UROS: variants seen among roughly 807,000 people sequenced by gnomAD.
UROS encodes uroporphyrinogen-III synthase.
In UROS, 18 loss-of-function variants were observed where a neutral mutation model predicts 33.0. The ratio of observed to expected loss-of-function variants is 0.55; its 90% confidence interval spans 0.38 to 0.81. The LOEUF is 0.81. UROS is among the 30% of genes least tolerant of loss of function. The pLI is 0.00. For missense variants in UROS, 293 were observed against 314.9 expected, an observed-to-expected ratio of 0.93 and a Z score of 0.53; for synonymous variants, 114 against 121.1, an observed-to-expected ratio of 0.94 and a Z score of 0.38.
At chr10:125,800,077 C>T (rs1851701082) in intron 6 of UROS, among the ~76,000 whole-genome samples, 1 of 152,112 alleles carries the variant, frequency 6.6e-6, no homozygotes, top group African/African-American at 2.4e-5. Context: ...ACTGAAAATC[C>T]TAACACAGTA....
At chr10:125,800,216 C>CA (rs1293258507) in intron 6 of UROS, among the ~76,000 whole-genome samples, 57 of 152,244 alleles carry the variant, frequency 3.7e-4, no homozygotes, top group African/African-American at 1.3e-3. Context: ...ACCTCACCTT[C>CA]AAGCCCAGAA....
chr10:125,798,289 A>G, intron 6 of UROS, 144 bp from the exon 7 acceptor site: 1 of 795,298 alleles, frequency 1.3e-6, no homozygotes, highest in Non-Finnish European at 2.1e-6. Flanking sequence ...CAGCATCTGT[A>G]AACAGGAAGA....
At chr10:125,820,725 G>C (rs10901450) in intron 1 of UROS, among the ~76,000 whole-genome samples, 62,362 of 152,068 alleles carry the variant, frequency 0.41, 13,162 homozygotes, top group Non-Finnish European at 0.47. Context: ...GGAGGTTTGA[G>C]TAACTTGTCC....
chr10:125,802,755 G>A, intron 6 of UROS: 2 of 1,420,162 alleles, frequency 1.4e-6, no homozygotes, highest in South Asian at 1.5e-5. Flanking sequence ...CAGGTAGGGA[G>A]GGTAGGTCTG....
At chr10:125,802,267 T>TGGGGCCACATGGCACGGGGCC in intron 6 of UROS, 1 of 985,648 alleles carries the variant, frequency 1.0e-6, no homozygotes. Flanking sequence ...CCCATGGGGC[T>TGGGGCCACATGGCACGGGGCC]GGGGCCACAT....
intron 6 of UROS, among the ~76,000 whole-genome samples, chr10:125,799,969 G>C (rs1019746935): frequency 1.3e-5 from 2 of 152,182 alleles, no homozygotes; most frequent in South Asian, 4.1e-4. Context: ...CTGACACAGA[G>C]ATAGTGAACT....
chr10:125,813,620 G>C (rs564557640), intron 4 of UROS, among the ~76,000 whole-genome samples: 29 of 152,248 alleles, frequency 1.9e-4, no homozygotes, highest in Non-Finnish European at 3.2e-4. Context: ...TGGGACTCCA[G>C]GCATGTGCCA....
downstream of UROS, among the ~76,000 whole-genome samples, chr10:125,786,727 T>C (rs1850643231): frequency 6.6e-6 from 1 of 152,208 alleles, no homozygotes; most frequent in Admixed American, 6.5e-5. Flanking sequence ...AACATAATTA[T>C]TGCCCTTAAC....
chr10:125,800,587 A>T, intron 6 of UROS, among the ~76,000 whole-genome samples: 1 of 138,262 alleles, frequency 7.2e-6, no homozygotes. Context: ...TTTGTGACGG[A>T]GTCTCACTCT....
At position 125,798,106 on chromosome 10, in the gene UROS, T is replaced by C. The variant is rs1358815005; in HGVS notation, c.434A>G (p.Asn145Ser). The C allele has an allele frequency of 6.2e-7, 1 of 1,614,032 alleles. No homozygotes were observed. The highest frequency in any genetic ancestry group is 8.5e-7 in the Non-Finnish European group (1 of 1,179,926). Residue 145 changes from asparagine to serine, a missense_variant, in exon 7 of 10, where the codon AAC becomes AGC. Asn to Ser is a conservative substitution (Grantham distance 46). Coordinates refer to ENST00000368797, the MANE Select transcript of UROS (RefSeq NM_000375.3). Reference sequence around the variant, plus strand: ...TTTTGGCAGGATTTCTCTTTTGAGGTTTCCACAGGGAAATAGAAGAGGCAG... The same window carrying C: ...TTTTGGCAGGATTTCTCTTTTGAGGCTTCCACAGGGAAATAGAAGAGGCAG... ...SALPLLFPCG[N>S]LKREILPKAL...
intron 1 of UROS, among the ~76,000 whole-genome samples, chr10:125,817,508 G>T (rs1169796996): frequency 6.6e-6 from 1 of 151,882 alleles, no homozygotes; most frequent in African/African-American, 2.4e-5. Context: ...CTGAGCTCTG[G>T]TCTCAGCTTT....
At chr10:125,787,888 C>T (rs1394915450), downstream of UROS, among the ~76,000 whole-genome samples, 1 of 152,196 alleles carries the variant, frequency 6.6e-6, no homozygotes, top group South Asian at 2.1e-4. Context: ...GTCTAGGCCT[C>T]AGTGCTTATG....
chr10:125,814,993 AAAT>A (rs1257754587), intron 4 of UROS, 38 bp downstream of exon 4: 1 of 1,603,532 alleles, frequency 6.2e-7, no homozygotes, highest in African/African-American at 1.3e-5. Context: ...AAATAAGAGT[AAAT>A]AAATGTCCAG....
intron 6 of UROS, 74 bp downstream of exon 6, chr10:125,807,339 C>A (rs1852421705): frequency 1.5e-6 from 2 of 1,307,828 alleles, no homozygotes; most frequent in South Asian, 1.2e-5. Flanking sequence ...AGGAAATATT[C>A]TTTTCCCTAG....
intron 9 of UROS, chr10:125,793,568 C>T (rs11244655): frequency 0.4 from 60,169 of 152,088 alleles, 12,304 homozygotes; most frequent in Non-Finnish European, 0.46. Context: ...GGGGCAGGTA[C>T]GGAGTTTCAC....
At chr10:125,796,312 G>T in intron 7 of UROS, 124 bp from the exon 8 acceptor site, 2 of 988,266 alleles carry the variant, frequency 2.0e-6, no homozygotes, top group South Asian at 1.3e-5. Context: ...CGAGCTGCTT[G>T]GAAGCTGAGA....
In UROS at chr10:125,788,748, C is replaced by T. The variant is rs1850710690; in HGVS notation, c.*120G>A. ...GATCCCCGGTCCTCAGGTGCTTCCA[C>T]TCAGGCTTGAGGCAGGAGTCTGACG... On this transcript the variant is annotated 3_prime_UTR_variant, in exon 10 of 10. Transcript: ENST00000368797. The T allele has an allele frequency of 1.4e-6, 2 of 1,455,974 alleles. No individual in the cohort carries two copies. The highest frequency in any genetic ancestry group is 1.4e-5 in the African/African-American group (1 of 70,550). The allele number at this position is 1,455,974 out of a possible 1,614,324, so 90.2% of individuals were successfully genotyped here. A position where few individuals can be genotyped will look rare whatever the true frequency, so the allele number is the denominator to read the frequency against.
rs114533970 is a variant in UROS, at chr10:125,818,353, C to T, written c.-26-1828G>A. Among the ~76,000 whole-genome samples, 692 of 152,160 alleles carry T rather than the reference C, an allele frequency of 4.5e-3. 3 individuals are homozygous for T. Among genetic ancestry groups the T allele is most frequent in the African/African-American group, 0.015 (637 of 41,500 alleles). ...TAAAAGTTGTTAACAAGGAGCCGGGCATAGTGGCGCATCCCTGTAGTCCTA... is the reference window on the plus strand; with the variant it reads ...TAAAAGTTGTTAACAAGGAGCCGGGTATAGTGGCGCATCCCTGTAGTCCTA... On this transcript the variant is annotated intron_variant, in intron 1 of 9. Transcript: ENST00000368797.
chr10:125,790,007 G>A (rs1419005342), intron 9 of UROS, among the ~76,000 whole-genome samples: 1 of 152,300 alleles, frequency 6.6e-6, no homozygotes, highest in East Asian at 1.9e-4. Context: ...CCAGCACTCC[G>A]CTTCATCCTC....
Sources: gnomAD v4.1 joint callset for allele counts (sites outside exome capture counted in the v4.1 genomes callset) on GRCh38, gnomAD v4.1.1 for gene constraint, MANE v1.5 for transcripts, NCBI Gene and HGNC (gene_info 2026-07-23, HGNC 2026-07-21) for gene names.